The following PTPRD variants were observed in gnomAD, a reference collection of about 807,000 sequenced individuals.
PTPRD encodes the protein receptor-type tyrosine-protein phosphatase delta.
A neutral mutation model predicts 214.5 loss-of-function variants in PTPRD; 34 were observed. The observed-to-expected ratio is 0.16, with a 90% confidence interval of 0.12 to 0.21. The LOEUF is 0.21. Ranked by LOEUF, PTPRD falls within the 10% of genes least tolerant of loss-of-function variation. The pLI, the probability that PTPRD is intolerant of heterozygous loss-of-function variation, is 1.00. For synonymous variants in PTPRD, 1,128 were observed against 845.7 expected (o/e 1.33, Z -5.79); for missense variants, 2,545 against 2,398.7 (o/e 1.06, Z -1.27).
chr9:8,654,003 C>T (rs2096862904), intron 12 of PTPRD, among the ~76,000 whole-genome samples: 1 of 152,122 alleles, frequency 6.6e-6, no homozygotes, highest in Non-Finnish European at 1.5e-5. Flanking sequence ...TCACTACTGA[C>T]ATTTTGGGTC....
At chr9:10,260,699 C>G (rs2093634344) in intron 3 of PTPRD, among the ~76,000 whole-genome samples, 1 of 152,054 alleles carries the variant, frequency 6.6e-6, no homozygotes, top group Non-Finnish European at 1.5e-5. Flanking sequence ...CTACATTCCT[C>G]AAGTTTTTTT....
chr9:9,887,042 T>C (rs2071212932), intron 5 of PTPRD, among the ~76,000 whole-genome samples: 1 of 152,206 alleles, frequency 6.6e-6, no homozygotes, highest in South Asian at 2.1e-4. Context: ...CGCCACTAAG[T>C]TATAAGGAAA....
rs551047043 is a variant in PTPRD at position 9,653,065 on chromosome 9, G to A, written c.-286-78284C>T. On this transcript the variant is annotated intron_variant, in intron 7 of 45. Coordinates refer to ENST00000381196, the MANE Select transcript of PTPRD (RefSeq NM_002839.4). ...GCCCTTTAAAAAGTGCCTCATGGCCGGGCGCGGTGGCTCACGCCTGTAATC... is the reference window on the plus strand; with the variant it reads ...GCCCTTTAAAAAGTGCCTCATGGCCAGGCGCGGTGGCTCACGCCTGTAATC... 2.3e-4 allele frequency among the ~76,000 whole-genome samples: 34 copies of A among 149,614 alleles called. 1 individual carries two copies. Among genetic ancestry groups the A allele is most frequent in the African/African-American group, 8.1e-4 (32 of 39,434 alleles).
At chr9:9,714,188 CTTAA>C (rs1393363784) in intron 7 of PTPRD, among the ~76,000 whole-genome samples, 1 of 151,164 alleles carries the variant, frequency 6.6e-6, no homozygotes, top group Non-Finnish European at 1.5e-5. Context: ...ACTTTTTACT[CTTAA>C]TTGATTTATA....
chr9:8,960,167 A>C (rs1274419585), intron 11 of PTPRD, among the ~76,000 whole-genome samples: 1 of 152,042 alleles, frequency 6.6e-6, no homozygotes, highest in Non-Finnish European at 1.5e-5. Flanking sequence ...TCTTTGTACA[A>C]TGGTGATAGT....
At chr9:10,256,394 G>C (rs1303519113) in intron 3 of PTPRD, among the ~76,000 whole-genome samples, 1 of 130,788 alleles carries the variant, frequency 7.6e-6, no homozygotes, top group Non-Finnish European at 1.7e-5. Context: ...TTGAATTACA[G>C]CTTTTTTTTT....
intron 9 of PTPRD, among the ~76,000 whole-genome samples, chr9:9,395,902 T>A (rs1206293436): frequency 2.6e-5 from 4 of 152,146 alleles, no homozygotes; most frequent in Non-Finnish European, 5.9e-5. Context: ...CTTTTTGTAA[T>A]CGGACTATTG....
At chr9:9,472,642 T>C (rs552677955) in intron 8 of PTPRD, among the ~76,000 whole-genome samples, 86 of 152,314 alleles carry the variant, frequency 5.6e-4, no homozygotes, top group African/African-American at 1.6e-3. Flanking sequence ...CAAAGTTGAA[T>C]AATGCTTGCT....
In PTPRD at chr9:8,356,145, G is replaced by C. The variant is rs1346240278; in HGVS notation, c.4662-14167C>G. Among the ~76,000 whole-genome samples, 6 of 152,192 alleles carry C rather than the reference G, an allele frequency of 3.9e-5. No homozygotes were observed. The South Asian group carries it at 6.2e-4, about 16-fold the overall frequency. On this transcript the variant is annotated intron_variant, in intron 39 of 45. Coordinates refer to ENST00000381196, the MANE Select transcript of PTPRD (RefSeq NM_002839.4). ...AAGACCAAATACTTTACTATCTCCA[G>C]ATACCTGAAAATATATGGAATTATC...
intron 9 of PTPRD, among the ~76,000 whole-genome samples, chr9:9,335,782 C>T (rs545308433): frequency 2.6e-5 from 4 of 152,044 alleles, no homozygotes; most frequent in East Asian, 1.9e-4. Flanking sequence ...CAAATGAGGA[C>T]CCAGAAACTA....
At chr9:9,954,310 A>G (rs1046049703) in intron 4 of PTPRD, among the ~76,000 whole-genome samples, 9 of 149,992 alleles carry the variant, frequency 6.0e-5, no homozygotes, top group African/African-American at 2.2e-4. Context: ...AAAAAAAAAA[A>G]AAAAAAAAAA....
At chr9:10,348,844 A>ATATC (rs2097133917) in intron 2 of PTPRD, among the ~76,000 whole-genome samples, 1 of 152,152 alleles carries the variant, frequency 6.6e-6, no homozygotes, top group East Asian at 1.9e-4. Flanking sequence ...CCTAAATAAG[A>ATATC]TGGCTACAAA....
chr9:10,147,490 A>AT (rs2154274517), intron 3 of PTPRD, among the ~76,000 whole-genome samples: 1 of 152,334 alleles, frequency 6.6e-6, no homozygotes, highest in African/African-American at 2.4e-5. Context: ...GCCTTTGCTT[A>AT]TTAAATAACA....
intron 12 of PTPRD, among the ~76,000 whole-genome samples, chr9:8,644,766 T>C (rs1007354980): frequency 3.3e-5 from 5 of 152,324 alleles, no homozygotes; most frequent in Non-Finnish European, 5.9e-5. Flanking sequence ...GGCCAACATG[T>C]CTGACTGTGC....
intron 11 of PTPRD, among the ~76,000 whole-genome samples, chr9:8,789,693 A>T (rs1317453108): frequency 1.3e-5 from 2 of 152,154 alleles, no homozygotes; most frequent in Admixed American, 1.3e-4. Context: ...CAATTTAATG[A>T]GTTACAATCA....
chr9:9,428,267 C>A (rs1161352599), intron 8 of PTPRD, among the ~76,000 whole-genome samples: 1 of 152,020 alleles, frequency 6.6e-6, no homozygotes, highest in African/African-American at 2.4e-5. Flanking sequence ...CAATCCTAAT[C>A]TCTGATAAAA....
chr9:9,425,677 T>C (rs573702229), intron 8 of PTPRD, among the ~76,000 whole-genome samples: 4 of 151,708 alleles, frequency 2.6e-5, no homozygotes, highest in African/African-American at 4.8e-5. Flanking sequence ...ATACTTGAAA[T>C]TACATTTAAC....
At chr9:9,781,192 A>G (rs1456250688) in intron 5 of PTPRD, among the ~76,000 whole-genome samples, 1 of 152,204 alleles carries the variant, frequency 6.6e-6, no homozygotes, top group Non-Finnish European at 1.5e-5. Context: ...TCAGTTAATA[A>G]TAATGCAGCA....
chr9:10,393,423 T>G (rs1238880263), intron 2 of PTPRD, among the ~76,000 whole-genome samples: 1 of 151,692 alleles, frequency 6.6e-6, no homozygotes, highest in Non-Finnish European at 1.5e-5. Flanking sequence ...TTCAAGGTTC[T>G]GATTTATATT....
Sources: gnomAD v4.1 joint callset for allele counts (sites outside exome capture counted in the v4.1 genomes callset) on GRCh38, gnomAD v4.1.1 for gene constraint, MANE v1.5 for transcripts, NCBI Gene and HGNC (gene_info 2026-07-23, HGNC 2026-07-21) for gene names.